The following STARD3NL variants were observed in gnomAD, a reference collection of about 807,000 sequenced individuals.
The protein encoded by STARD3NL is STARD3 N-terminal-like protein.
A neutral mutation model predicts 30.9 loss-of-function variants in STARD3NL; 17 were observed. The ratio of observed to expected loss-of-function variants is 0.55; its 90% CI spans 0.38 to 0.82. STARD3NL has a LOEUF of 0.82. Among genes scored for constraint, STARD3NL ranks in the 40% least tolerant of loss-of-function variants. The pLI is 0.00. For synonymous variants in STARD3NL, 112 were observed against 100.5 expected (o/e 1.11, Z -0.69); for missense variants, 234 against 277.6 (o/e 0.84, Z 1.12).
At chr7:38,229,717 C>G (rs183949970) in intron 8 of STARD3NL, among the ~76,000 whole-genome samples, 2 of 152,110 alleles carry the variant, frequency 1.3e-5, no homozygotes, top group Admixed American at 6.5e-5. Context: ...CATGTAGACG[C>G]GAAGCAAAAA....
chr7:38,185,650 C>T lies in STARD3NL; in HGVS notation c.-59+7230C>T, dbSNP rs557883872. Among the ~76,000 whole-genome samples, 201 of 152,234 alleles carry T rather than the reference C, an allele frequency of 1.3e-3. 1 individual carries two copies. Among genetic ancestry groups the T allele is most frequent in the East Asian group, 1.2e-3 (6 of 5,190 alleles). ...TTCAGGAACACTTATCTCCCGCATTCCTGAGGAGTTTTATGTTGTTGAATG... is the reference window on the plus strand; with the variant it reads ...TTCAGGAACACTTATCTCCCGCATTTCTGAGGAGTTTTATGTTGTTGAATG... On this transcript the variant is annotated intron_variant, in intron 1 of 8. Transcript: ENST00000009041.
At position 38,215,015 on chromosome 7, in the gene STARD3NL, T is replaced by C. The variant is rs1279092234; in HGVS notation, c.304-13T>C. ...ATATTTTTTAAAACATCCCTTTATT[T>C]TCTTACTTTCAGCTTCTGGCAGTTT... On this transcript the variant is annotated splice_polypyrimidine_tract_variant and intron_variant, in intron 3 of 8. Transcript: ENST00000009041. 2 of 1,612,334 alleles carry C rather than the reference T, an allele frequency of 1.2e-6. No individual in the cohort carries two copies. The highest frequency in any genetic ancestry group is 4.5e-5 in the East Asian group (2 of 44,858).
chr7:38,212,409 T>C (rs1178999700), intron 2 of STARD3NL, among the ~76,000 whole-genome samples: 1 of 152,220 alleles, frequency 6.6e-6, no homozygotes, highest in Non-Finnish European at 1.5e-5. Context: ...ATTTTGCTAG[T>C]ATCAGTTTAA....
chr7:38,219,687 T>G, intron 7 of STARD3NL, 27 bp downstream of exon 7: 1 of 1,579,860 alleles, frequency 6.3e-7, no homozygotes. Flanking sequence ...TTATTTGTGC[T>G]TGTATCTCTC....
chr7:38,213,229 G>T (rs1406418604), intron 2 of STARD3NL, among the ~76,000 whole-genome samples: 1 of 152,020 alleles, frequency 6.6e-6, no homozygotes, highest in Non-Finnish European at 1.5e-5. Flanking sequence ...TAAATGGTTG[G>T]GTGTCTTTCA....
intron 1 of STARD3NL, among the ~76,000 whole-genome samples, chr7:38,199,078 A>G (rs1203386439): frequency 1.3e-5 from 2 of 152,232 alleles, no homozygotes; most frequent in African/African-American, 4.8e-5. Flanking sequence ...TCAGAAAACA[A>G]CCAAAGGGGA....
At chr7:38,226,065 G>C (rs1257844038) in intron 7 of STARD3NL, among the ~76,000 whole-genome samples, 1 of 150,702 alleles carries the variant, frequency 6.6e-6, no homozygotes, top group Non-Finnish European at 1.5e-5. Flanking sequence ...CTTTTCTTCA[G>C]TCTTTTTCTT....
intron 1 of STARD3NL, among the ~76,000 whole-genome samples, chr7:38,197,523 A>G (rs559500748): frequency 4.5e-4 from 69 of 152,306 alleles, no homozygotes; most frequent in South Asian, 1.4e-3. Context: ...TTTTTTAAGA[A>G]TAGCTTATCT....
chr7:38,199,003 A>G (rs1292214178), intron 1 of STARD3NL, among the ~76,000 whole-genome samples: 3 of 152,268 alleles, frequency 2.0e-5, no homozygotes, highest in Non-Finnish European at 4.4e-5. Context: ...GAAATAGCTG[A>G]CTGATAATGT....
chr7:38,193,368 G>A (rs372911087), intron 1 of STARD3NL, among the ~76,000 whole-genome samples: 3 of 151,862 alleles, frequency 2.0e-5, no homozygotes, highest in Non-Finnish European at 2.9e-5. Context: ...GTGCGATCTC[G>A]GCTCACTACA....
At chr7:38,213,662 T>C (rs1252329847) in intron 2 of STARD3NL, among the ~76,000 whole-genome samples, 3 of 152,326 alleles carry the variant, frequency 2.0e-5, no homozygotes, top group Non-Finnish European at 4.4e-5. Flanking sequence ...CCTTACTTGA[T>C]TTTTTAAAAG....
At position 38,207,614 on chromosome 7, in the gene STARD3NL, T is replaced by C; in HGVS notation, c.110T>C (p.Ile37Thr). The change falls in exon 2 of 9, where the codon ATT (isoleucine) becomes ACT (threonine). Residue 37 changes from isoleucine to threonine, a missense_variant. Ile to Thr is a moderately conservative substitution (Grantham distance 89). Coordinates refer to ENST00000009041, the MANE Select transcript of STARD3NL (RefSeq NM_032016.4). Reference sequence around the variant, plus strand: ...AACCCCACACAACTCATGGCCAGGATTGAGTCCTATGAAGGAAGGGAAAAG... The same window carrying C: ...AACCCCACACAACTCATGGCCAGGACTGAGTCCTATGAAGGAAGGGAAAAG... ...SINPTQLMAR[I>T]ESYEGREKKG... 6.2e-7 allele frequency: 1 copy of C among 1,614,022 alleles called. No individual in the cohort carries two copies. The highest frequency in any genetic ancestry group is 8.5e-7 in the Non-Finnish European group (1 of 1,179,936).
intron 6 of STARD3NL, among the ~76,000 whole-genome samples, chr7:38,217,612 T>C (rs1786201132): frequency 6.6e-6 from 1 of 152,216 alleles, no homozygotes; most frequent in African/African-American, 2.4e-5. Context: ...CCCAGACAGG[T>C]TGTTCTTTTC....
At chr7:38,184,152 C>A (rs967308485) in intron 1 of STARD3NL, among the ~76,000 whole-genome samples, 2 of 152,042 alleles carry the variant, frequency 1.3e-5, no homozygotes, top group Non-Finnish European at 2.9e-5. Flanking sequence ...ATTATACATA[C>A]GTGGTCAGAG....
rs931740668 is a variant in STARD3NL at position 38,214,416 on chromosome 7, T to G, written c.285T>G (p.Ser95=). Residue 95 remains serine, a synonymous_variant, in exon 3 of 9, where the codon TCT becomes TCG. Transcript: ENST00000009041. ...EKEVMQYDYY[S]SYFDIFLLAV... Reference sequence around the variant, plus strand: ...AGGTGATGCAGTATGACTACTATTCTTCATATTTTGATATATTTGTAAGTA... The same window carrying G: ...AGGTGATGCAGTATGACTACTATTCGTCATATTTTGATATATTTGTAAGTA... 1 of 1,598,212 alleles carries G rather than the reference T, an allele frequency of 6.3e-7. No individual in the cohort carries two copies. The highest frequency in any genetic ancestry group is 8.6e-7 in the Non-Finnish European group (1 of 1,167,930).
intron 2 of STARD3NL, among the ~76,000 whole-genome samples, chr7:38,209,124 C>G (rs936432992): frequency 6.6e-6 from 1 of 152,138 alleles, no homozygotes; most frequent in Non-Finnish European, 1.5e-5. Context: ...TGTTTATAAT[C>G]AGACAGCCCA....
At chr7:38,187,262 C>T (rs1784499786) in intron 1 of STARD3NL, among the ~76,000 whole-genome samples, 1 of 152,186 alleles carries the variant, frequency 6.6e-6, no homozygotes, top group Non-Finnish European at 1.5e-5. Flanking sequence ...TCCCATTTTG[C>T]CAACCTGTAG....
At chr7:38,186,555 A>G (rs1223410371) in intron 1 of STARD3NL, among the ~76,000 whole-genome samples, 1 of 152,240 alleles carries the variant, frequency 6.6e-6, no homozygotes, top group Admixed American at 6.5e-5. Context: ...TAGGTCAACA[A>G]TGGACTGCAT....
At chr7:38,208,621 G>A (rs577720644) in intron 2 of STARD3NL, among the ~76,000 whole-genome samples, 1 of 152,236 alleles carries the variant, frequency 6.6e-6, no homozygotes, top group Non-Finnish European at 1.5e-5. Flanking sequence ...CAAGCAAAAA[G>A]TGTCTGCTTT....
Sources: allele counts gnomAD v4.1 joint callset (sites outside exome capture counted in the v4.1 genomes callset), GRCh38; gene constraint gnomAD v4.1.1; transcripts MANE v1.5; gene names NCBI Gene and HGNC (gene_info 2026-07-23, HGNC 2026-07-21).